LRP1B: variants seen among roughly 807,000 people sequenced by gnomAD.
The protein encoded by LRP1B is LDL receptor related protein 1B.
A neutral mutation model predicts 556.6 loss-of-function variants in LRP1B; 217 were observed. The ratio of observed to expected loss-of-function variants is 0.39; its 90% CI spans 0.35 to 0.44. LRP1B has a LOEUF of 0.44. LRP1B is among the 20% of genes least tolerant of loss of function. The probability of loss-of-function intolerance (pLI) is 1.00; values close to 1 mark genes in which losing one functional copy is unlikely to be tolerated. For missense variants in LRP1B, 5,053 were observed against 5,620.8 expected, an observed-to-expected ratio of 0.90 and a Z score of 3.23; for synonymous variants, 2,047 against 1,865.8, an observed-to-expected ratio of 1.10 and a Z score of -2.50.
chr2:140,991,478 G>T (rs1395626430), intron 16 of LRP1B, among the ~76,000 whole-genome samples: 2 of 152,080 alleles, frequency 1.3e-5, no homozygotes, highest in African/African-American at 4.8e-5. Flanking sequence ...ATGACATAGT[G>T]CTGGAAGGTG....
chr2:142,008,822 A>G (rs1200196333), intron 1 of LRP1B, among the ~76,000 whole-genome samples: 1 of 152,066 alleles, frequency 6.6e-6, no homozygotes. Context: ...AGCTCCTGGT[A>G]TATAGTTGGT....
intron 3 of LRP1B, among the ~76,000 whole-genome samples, chr2:141,366,431 A>T (rs2105579708): frequency 6.6e-6 from 1 of 152,242 alleles, no homozygotes; most frequent in East Asian, 1.9e-4. Context: ...AGTTTAAGGA[A>T]TAAAATACGT....
intron 2 of LRP1B, among the ~76,000 whole-genome samples, chr2:141,748,546 T>C: frequency 6.6e-6 from 1 of 152,202 alleles, no homozygotes. Flanking sequence ...ATAGATGGTC[T>C]GTGACAGAAG....
chr2:140,252,074 A>AAAG (rs1553482257), intron 86 of LRP1B, among the ~76,000 whole-genome samples: 14 of 115,764 alleles, frequency 1.2e-4, no homozygotes, highest in Middle Eastern at 4.2e-3. Context: ...AAAAAAAAAA[A>AAAG]AAAAAAAAAA....
At chr2:140,280,352 G>A (rs947456456) in intron 84 of LRP1B, among the ~76,000 whole-genome samples, 4 of 151,702 alleles carry the variant, frequency 2.6e-5, no homozygotes, top group Non-Finnish European at 5.9e-5. Context: ...GTTGTTGTGG[G>A]GGGTGGTATA....
chr2:140,248,277 A>T (rs1681255315), intron 86 of LRP1B, among the ~76,000 whole-genome samples: 1 of 151,794 alleles, frequency 6.6e-6, no homozygotes, highest in Admixed American at 6.6e-5. Context: ...TCAAATAATA[A>T]ACATGAAAAT....
intron 2 of LRP1B, among the ~76,000 whole-genome samples, chr2:141,806,035 A>G (rs1204321151): frequency 6.6e-6 from 1 of 152,250 alleles, no homozygotes; most frequent in East Asian, 1.9e-4. Flanking sequence ...TAGCATGGCT[A>G]ATACCTTCCT....
At chr2:141,061,246 C>T (rs1699326454) in intron 8 of LRP1B, among the ~76,000 whole-genome samples, 1 of 151,666 alleles carries the variant, frequency 6.6e-6, no homozygotes, top group South Asian at 2.1e-4. Context: ...GAAAGGATTT[C>T]ATTTTAAAAG....
intron 3 of LRP1B, among the ~76,000 whole-genome samples, chr2:141,292,893 C>T (rs2105412997): frequency 6.6e-6 from 1 of 152,222 alleles, no homozygotes; most frequent in Non-Finnish European, 1.5e-5. Context: ...CTGAATAATG[C>T]ATGAACTTTA....
chr2:141,481,132 G>A (rs1682905017), intron 2 of LRP1B, among the ~76,000 whole-genome samples: 1 of 152,138 alleles, frequency 6.6e-6, no homozygotes, highest in Non-Finnish European at 1.5e-5. Flanking sequence ...TAAAGAACAG[G>A]AAGTGAAAGA....
chr2:140,724,779 G>A (rs1687530941), intron 35 of LRP1B, among the ~76,000 whole-genome samples: 1 of 143,446 alleles, frequency 7.0e-6, no homozygotes, highest in Non-Finnish European at 1.5e-5. Flanking sequence ...TGCTTATACG[G>A]AATCTTGACT....
At chr2:141,444,549 T>A (rs13420856) in intron 3 of LRP1B, among the ~76,000 whole-genome samples, 2 of 152,086 alleles carry the variant, frequency 1.3e-5, no homozygotes, top group African/African-American at 4.8e-5. Context: ...TTCAGTATCA[T>A]ATTGTCTGGG....
chr2:142,083,355 C>T (rs957376), intron 1 of LRP1B, among the ~76,000 whole-genome samples: 73,338 of 151,960 alleles, frequency 0.48, 18,239 homozygotes, highest in East Asian at 0.69. Context: ...ATTAATTTCC[C>T]TTCTTCTCAC....
chr2:140,267,598 G>C (rs1682266259), intron 86 of LRP1B, among the ~76,000 whole-genome samples: 1 of 151,868 alleles, frequency 6.6e-6, no homozygotes, highest in South Asian at 2.1e-4. Flanking sequence ...GTACAAACTT[G>C]AGAAAAGTCT....
intron 72 of LRP1B, among the ~76,000 whole-genome samples, chr2:140,363,850 C>A (rs1467212823): frequency 6.6e-6 from 1 of 151,556 alleles, no homozygotes; most frequent in African/African-American, 2.4e-5. Flanking sequence ...TACACTCATG[C>A]TGTATTTTCT....
At chr2:140,792,184 A>G (rs542059629) in intron 32 of LRP1B, among the ~76,000 whole-genome samples, 1 of 152,274 alleles carries the variant, frequency 6.6e-6, no homozygotes, top group Non-Finnish European at 1.5e-5. Flanking sequence ...TTAAGCCACA[A>G]GTCTCACTAC....
chr2:140,933,981 A>C (rs1695128595), intron 20 of LRP1B, among the ~76,000 whole-genome samples: 1 of 151,988 alleles, frequency 6.6e-6, no homozygotes, highest in Non-Finnish European at 1.5e-5. Context: ...GAGGTTTCCT[A>C]TGGATAAAAT....
chr2:141,108,295 T>C (rs1236440866), intron 7 of LRP1B, among the ~76,000 whole-genome samples: 3 of 151,532 alleles, frequency 2.0e-5, no homozygotes, highest in Non-Finnish European at 4.4e-5. Flanking sequence ...AGCAAAGATA[T>C]TTTAATCATT....
chr2:140,369,547 C>T (rs958056297), intron 71 of LRP1B, among the ~76,000 whole-genome samples: 3 of 151,798 alleles, frequency 2.0e-5, no homozygotes, highest in Admixed American at 6.6e-5. Context: ...TAGAAAGAGC[C>T]GTTATAGACA....
Sources: gnomAD v4.1 joint callset for allele counts (sites outside exome capture counted in the v4.1 genomes callset) on GRCh38, gnomAD v4.1.1 for gene constraint, MANE v1.5 for transcripts, NCBI Gene and HGNC (gene_info 2026-07-23, HGNC 2026-07-21) for gene names.